Variants in SNX30 observed in about 807,000 individuals in gnomAD.
SNX30 encodes sorting nexin-30.
Under a neutral mutation model 46.4 loss-of-function variants are expected in SNX30, and 24 were observed. The ratio of observed to expected loss-of-function variants is 0.52; its 90% CI spans 0.37 to 0.73. SNX30 has a LOEUF of 0.73. Ranked by LOEUF, SNX30 falls within the 30% of genes least tolerant of loss-of-function variation. The probability of loss-of-function intolerance (pLI) is 0.00; values close to 1 mark genes in which losing one functional copy is unlikely to be tolerated. For missense variants in SNX30, 533 were observed against 555.7 expected (o/e 0.96, Z 0.41); for synonymous variants, 189 against 211.5 (o/e 0.89, Z 0.92).
intron 1 of SNX30, among the ~76,000 whole-genome samples, chr9:112,804,233 C>T (rs914283662): frequency 9.2e-5 from 14 of 152,056 alleles, no homozygotes; most frequent in South Asian, 2.1e-4. Context: ...GGCGCAGTCT[C>T]GGCTCACTGC....
At chr9:112,884,657 T>C (rs1424575409), downstream of SNX30, among the ~76,000 whole-genome samples, 11 of 152,238 alleles carry the variant, frequency 7.2e-5, no homozygotes, top group Non-Finnish European at 4.4e-5. Flanking sequence ...TGCACGTGTC[T>C]CTCTATTGCT....
intron 1 of SNX30, among the ~76,000 whole-genome samples, chr9:112,773,064 A>C (rs902317974): frequency 1.3e-5 from 2 of 152,344 alleles, no homozygotes; most frequent in South Asian, 2.1e-4. Flanking sequence ...AAAGCAAGGA[A>C]GCACACTGTG....
chr9:112,766,706 G>T (rs896090657), intron 1 of SNX30, among the ~76,000 whole-genome samples: 3 of 152,144 alleles, frequency 2.0e-5, no homozygotes, highest in Non-Finnish European at 2.9e-5. Context: ...AAATAGAATT[G>T]TCAATATTTG....
At chr9:112,816,348 C>G (rs548282202) in intron 2 of SNX30, among the ~76,000 whole-genome samples, 7 of 152,198 alleles carry the variant, frequency 4.6e-5, no homozygotes, top group Non-Finnish European at 8.8e-5. Context: ...ATGACTTGCT[C>G]TCTGGATTTA....
chr9:112,813,786 TAA>T (rs35257014), intron 2 of SNX30, among the ~76,000 whole-genome samples: 27 of 141,666 alleles, frequency 1.9e-4, no homozygotes, highest in Non-Finnish European at 2.3e-4. Flanking sequence ...TATCTAAATT[TAA>T]AAAAAAAAAA....
downstream of SNX30, chr9:112,879,515 A>G: frequency 2.1e-6 from 1 of 476,768 alleles, no homozygotes; most frequent in East Asian, 3.2e-5. Flanking sequence ...CTCTGCTGTC[A>G]CAGAACCCAG....
intron 2 of SNX30, among the ~76,000 whole-genome samples, chr9:112,813,057 G>A (rs560746588): frequency 1.3e-5 from 2 of 152,162 alleles, no homozygotes; most frequent in Non-Finnish European, 2.9e-5. Context: ...TAAGGCAGGA[G>A]AATCACCTGA....
downstream of SNX30, chr9:112,877,830 GT>G (rs2131532355): frequency 6.6e-6 from 1 of 152,156 alleles, no homozygotes; most frequent in Admixed American, 6.5e-5. Context: ...CGATCCTGTC[GT>G]TTTAGCCTCC....
At chr9:112,879,942 G>A (rs1490458713), downstream of SNX30, 6 of 831,778 alleles carry the variant, frequency 7.2e-6, no homozygotes, top group Non-Finnish European at 1.2e-5. Context: ...GGTAGGCATT[G>A]ACCAAGGTGT....
At chr9:112,789,447 A>G (rs2131385683) in intron 1 of SNX30, among the ~76,000 whole-genome samples, 1 of 152,304 alleles carries the variant, frequency 6.6e-6, no homozygotes, top group Admixed American at 6.5e-5. Context: ...GCATTGCATC[A>G]GAGTTAGAGG....
intron 3 of SNX30, among the ~76,000 whole-genome samples, chr9:112,821,718 CCTCGTGTTCCGCCTGA>C (rs1840499153): frequency 6.6e-6 from 1 of 151,932 alleles, no homozygotes; most frequent in South Asian, 2.1e-4. Context: ...CATCTCCTGA[CCTCGTGTTCCGCCTGA>C]CTTGGCTTCC....
At chr9:112,844,851 A>C (rs1187367639) in intron 6 of SNX30, among the ~76,000 whole-genome samples, 3 of 152,184 alleles carry the variant, frequency 2.0e-5, no homozygotes, top group Non-Finnish European at 4.4e-5. Flanking sequence ...CCCCTTCCCC[A>C]CAGGGCCACA....
chr9:112,852,183 C>T (rs1283487445), intron 7 of SNX30, among the ~76,000 whole-genome samples: 2 of 151,630 alleles, frequency 1.3e-5, no homozygotes, highest in African/African-American at 2.4e-5. Context: ...TTAGAGGCTG[C>T]AGTGTGTTAT....
At chr9:112,809,970 A>G (rs965646837) in intron 2 of SNX30, among the ~76,000 whole-genome samples, 6 of 151,874 alleles carry the variant, frequency 4.0e-5, no homozygotes, top group African/African-American at 1.5e-4. Flanking sequence ...TGAAGATTGG[A>G]GAGTAGGATG....
rs1452160490 is a variant in SNX30, at chr9:112,870,757, G to C, written c.*1914G>C. 1 of 152,228 alleles carries C rather than the reference G, an allele frequency of 6.6e-6. No homozygotes were observed. Among genetic ancestry groups the C allele is most frequent in the Non-Finnish European group, 1.5e-5 (1 of 68,054 alleles). 9.4% of individuals were successfully genotyped at this position (152,228 alleles called of 1,614,324 possible). A position where few individuals can be genotyped will look rare whatever the true frequency, so the allele number is the denominator to read the frequency against. Reference sequence around the variant, plus strand: ...AGAATCAGGATGTGTGTCTAATGGCGAGCTGACAGCCCTCTGCTGATATTT... The same window carrying C: ...AGAATCAGGATGTGTGTCTAATGGCCAGCTGACAGCCCTCTGCTGATATTT... On this transcript the variant is annotated 3_prime_UTR_variant, in exon 9 of 9. Transcript: ENST00000374232.
At chr9:112,823,527 G>A (rs528457376) in intron 3 of SNX30, among the ~76,000 whole-genome samples, 11 of 152,266 alleles carry the variant, frequency 7.2e-5, no homozygotes, top group East Asian at 1.9e-4. Context: ...ATGGGTGCCC[G>A]TATTAGATTT....
chr9:112,753,856 C>G (rs1839311125), intron 1 of SNX30, among the ~76,000 whole-genome samples: 1 of 152,214 alleles, frequency 6.6e-6, no homozygotes, highest in Non-Finnish European at 1.5e-5. Flanking sequence ...CGTATGGTCT[C>G]ATAACTCTGA....
chr9:112,761,032 G>C (rs945019354), intron 1 of SNX30, among the ~76,000 whole-genome samples: 2 of 152,228 alleles, frequency 1.3e-5, no homozygotes, highest in Non-Finnish European at 2.9e-5. Flanking sequence ...AGAGTCTAGA[G>C]GTGGAGATTA....
chr9:112,776,557 C>G (rs1232415614), intron 1 of SNX30, among the ~76,000 whole-genome samples: 1 of 152,230 alleles, frequency 6.6e-6, no homozygotes, highest in Non-Finnish European at 1.5e-5. Context: ...ACATGCTGTT[C>G]CTCCTGCCCA....
Sources: allele counts gnomAD v4.1 joint callset (sites outside exome capture counted in the v4.1 genomes callset), GRCh38; gene constraint gnomAD v4.1.1; transcripts MANE v1.5; gene names NCBI Gene and HGNC (gene_info 2026-07-23, HGNC 2026-07-21).